Variants in MORN1 observed in about 807,000 individuals in gnomAD.
MORN1 encodes the protein MORN repeat containing 1.
A neutral mutation model predicts 61.9 loss-of-function variants in MORN1; 67 were observed. The ratio of observed to expected loss-of-function variants is 1.08; its 90% CI spans 0.89 to 1.33. MORN1 has a LOEUF of 1.33. MORN1 is among the 40% of genes most tolerant of loss of function. MORN1 has a pLI of 0.00. For missense variants in MORN1, 752 were observed against 691.2 expected, an observed-to-expected ratio of 1.09 and a Z score of -0.99; for synonymous variants, 301 against 292.0, an observed-to-expected ratio of 1.03 and a Z score of -0.31.
chr1:2,323,989 G>T, intron 13 of MORN1, 108 bp downstream of exon 13: 1 of 1,456,654 alleles, frequency 6.9e-7, no homozygotes. Flanking sequence ...ACCTACCTCT[G>T]GGGGCCCCGG....
intron 9 of MORN1, 84 bp downstream of exon 9, chr1:2,358,508 G>C: frequency 6.4e-7 from 1 of 1,568,786 alleles, no homozygotes; most frequent in Non-Finnish European, 8.7e-7. Context: ...CAGGTCTCTA[G>C]GGAAAAAAGG....
chr1:2,339,224 A>G (rs544935550), intron 10 of MORN1, among the ~76,000 whole-genome samples: 3 of 152,256 alleles, frequency 2.0e-5, no homozygotes, highest in South Asian at 4.1e-4. Flanking sequence ...ATCCCAGCGC[A>G]TCTGGACCAG....
intron 6 of MORN1, among the ~76,000 whole-genome samples, chr1:2,383,021 G>T (rs544135589): frequency 1.5e-3 from 221 of 152,252 alleles, no homozygotes; most frequent in Non-Finnish European, 2.6e-3. Context: ...AGGCCCTGCT[G>T]CGGGCAGCTG....
chr1:2,349,334 T>C (rs1372749518), intron 10 of MORN1, among the ~76,000 whole-genome samples: 2 of 152,180 alleles, frequency 1.3e-5, no homozygotes, highest in African/African-American at 4.8e-5. Context: ...TCCACCCGCC[T>C]GCCGACCAAA....
chr1:2,391,282 G>T (rs961360550), intron 1 of MORN1, among the ~76,000 whole-genome samples, 176 bp downstream of exon 1: 1 of 152,190 alleles, frequency 6.6e-6, no homozygotes, highest in African/African-American at 2.4e-5. Context: ...AGCCGAGCCC[G>T]AGGCGCACGG....
rs369547689 is a variant in MORN1 at position 2,385,912 on chromosome 1, G to C, written c.359-15C>G. 1 of 1,611,194 alleles carries C rather than the reference G, an allele frequency of 6.2e-7. No homozygotes were observed. The highest frequency in any genetic ancestry group is 1.1e-5 in the South Asian group (1 of 91,012). ...AAACCCGTGTCCTGGAGAAGGGACC[G>C]AGAGACAGACTTGGCTTTGTGCCTC... On this transcript the variant is annotated splice_polypyrimidine_tract_variant and intron_variant, in intron 4 of 13. Transcript: ENST00000378531.
At position 2,385,857 on chromosome 1, in the gene MORN1, C is replaced by T. The variant is rs984674809; in HGVS notation, c.399G>A (p.Gln133=). 1.2e-6 allele frequency: 2 copies of T among 1,613,978 alleles called. No individual in the cohort carries two copies. The highest frequency in any genetic ancestry group is 1.7e-6 in the Non-Finnish European group (2 of 1,180,024). Residue 133 remains glutamine, a synonymous_variant, in exon 5 of 14, where the codon CAG becomes CAA. Transcript: ENST00000378531. ...GCCTCTTGTTGTCATGGAAGGAGCC[C>T]TGGTACACTTGTCCATCCCGGTCCA... ...FLVDRDGQVY[Q]GSFHDNKRHG...
In MORN1 at chr1:2,357,081, A is replaced by C. The variant is rs1641790350; in HGVS notation, c.1036+351T>G. Among the ~76,000 whole-genome samples the C allele has an allele frequency of 6.6e-6, 1 of 152,146 alleles. No individual in the cohort carries two copies. Among genetic ancestry groups the C allele is most frequent in the African/African-American group, 2.4e-5 (1 of 41,448 alleles). ...GCTGCTGTGAGGGCTCCCGGGCGGC[A>C]GGAGTGGCTGGGGCCGTGTCCAGGC... is the stretch of plus-strand genomic sequence containing the variant. On this transcript the variant is annotated intron_variant, in intron 10 of 13. Transcript: ENST00000378531. The surrounding 1 kb of genome is among the most constrained non-coding windows in gnomAD (Gnocchi z 6.3).
rs755773438 is a variant in MORN1 at position 2,387,512 on chromosome 1, G to T, written c.265C>A (p.Gln89Lys). ...WAWSGDTFSG[Q>K]FVLGEPQGYG... The stretch of plus-strand genomic sequence containing the variant: ...CCTTGAGGCTCTCCCAGAACAAACT[G>T]TCCAGAGAAGGTGTCTCCTGCATGT... The change falls in exon 4 of 14, where the codon CAG becomes AAG. Residue 89 changes from glutamine (Q) to lysine (K), a missense_variant. Transcript: ENST00000378531. The T allele has an allele frequency of 5.6e-6, 9 of 1,612,234 alleles. No homozygotes were observed. The highest frequency in any genetic ancestry group is 7.6e-6 in the Non-Finnish European group (9 of 1,179,824).
intron 10 of MORN1, among the ~76,000 whole-genome samples, chr1:2,345,838 C>T (rs1641502172): frequency 1.5e-5 from 2 of 132,566 alleles, no homozygotes; most frequent in South Asian, 2.2e-4. Context: ...GCCACACACA[C>T]ACACACACAC....
chr1:2,336,782 C>T lies in MORN1; in HGVS notation c.1105G>A (p.Asp369Asn), dbSNP rs1197972712. 1 of 1,606,070 alleles carries T rather than the reference C, an allele frequency of 6.2e-7. No homozygotes were observed. The highest frequency in any genetic ancestry group is 1.1e-5 in the South Asian group (1 of 90,076). Reference protein sequence around the residue: ...RVEQGCAEFTDVLLGPPPPGY... With the variant: ...RVEQGCAEFTNVLLGPPPPGY... ...GGCGGGGGCGGCCCCAGGAGGACAT[C>T]TGTGAACTCGGCACAGCCCTGCTCC... Residue 369 changes from aspartate (D) to asparagine (N), a missense_variant, in exon 11 of 14, where the codon GAT (aspartate) becomes AAT (asparagine). Asp to Asn is a conservative substitution (Grantham distance 23). Coordinates refer to ENST00000378531, the MANE Select transcript of MORN1 (RefSeq NM_024848.3).
intron 10 of MORN1, among the ~76,000 whole-genome samples, chr1:2,347,314 C>T (rs530485074): frequency 3.5e-4 from 53 of 152,288 alleles, no homozygotes; most frequent in South Asian, 1.9e-3. Flanking sequence ...TAATGTGCCA[C>T]GAAGGCTCCA....
chr1:2,331,757 C>T (rs1204303171), intron 12 of MORN1, among the ~76,000 whole-genome samples: 1 of 152,172 alleles, frequency 6.6e-6, no homozygotes, highest in Non-Finnish European at 1.5e-5. Flanking sequence ...GCGCGTTTCT[C>T]CCGCATGCGC....
At chr1:2,322,042 G>A in intron 13 of MORN1, 1 of 985,390 alleles carries the variant, frequency 1.0e-6, no homozygotes, top group Non-Finnish European at 1.2e-6. Context: ...AGGCTGGTGT[G>A]TCTGGTTTGC....
At chr1:2,378,978 A>C (rs1252335237) in intron 6 of MORN1, 6 of 469,182 alleles carry the variant, frequency 1.3e-5, no homozygotes, top group South Asian at 3.1e-5. Flanking sequence ...CCGTCAGAAG[A>C]AGCTGTAACA....
In MORN1 at chr1:2,383,974, C is replaced by G. The variant is rs78507555; in HGVS notation, c.537+1004G>C. Reference sequence around the variant, plus strand: ...AGACTCCACCGCAGAGGGTCTGTCTCCGGGCCCCCTCCTGACACTGAGACG... The same window carrying G: ...AGACTCCACCGCAGAGGGTCTGTCTGCGGGCCCCCTCCTGACACTGAGACG... On this transcript the variant is annotated intron_variant, in intron 6 of 13. Coordinates refer to ENST00000378531, the MANE Select transcript of MORN1 (RefSeq NM_024848.3). 4.5e-3 allele frequency among the ~76,000 whole-genome samples: 682 copies of G among 152,340 alleles called. 2 individuals are homozygous for G. The highest frequency in any genetic ancestry group is 0.031 in the Middle Eastern group (9 of 294).
intron 10 of MORN1, among the ~76,000 whole-genome samples, chr1:2,345,130 GACA>G (rs1255656197): frequency 2.0e-5 from 3 of 152,126 alleles, no homozygotes; most frequent in Non-Finnish European, 2.9e-5. Flanking sequence ...GTGCCCCGAA[GACA>G]ACGTCAGCCC....
intron 3 of MORN1, 169 bp downstream of exon 3, chr1:2,388,068 GGT>G: frequency 1.7e-6 from 1 of 575,562 alleles, no homozygotes; most frequent in South Asian, 2.2e-5. Context: ...TGCTCTCAGC[GGT>G]GACCACAGAG....
intron 8 of MORN1, among the ~76,000 whole-genome samples, chr1:2,361,636 T>C (rs1431824692): frequency 4.0e-5 from 6 of 151,872 alleles, no homozygotes; most frequent in Admixed American, 6.6e-5. Flanking sequence ...ATGTATGAGA[T>C]AAAAAATATG....
Sources: gnomAD v4.1 joint callset for allele counts (sites outside exome capture counted in the v4.1 genomes callset) on GRCh38, gnomAD v4.1.1 for gene constraint, Gnocchi (gnomAD v3.1) non-coding constraint, MANE v1.5 for transcripts, NCBI Gene and HGNC (gene_info 2026-07-23, HGNC 2026-07-21) for gene names.